The following ERC2 variants were observed in gnomAD, a reference collection of about 807,000 sequenced individuals.
ERC2 encodes ELKS/RAB6-interacting/CAST family member 2.
ERC2 carries 42 observed loss-of-function variants against 114.8 expected under a neutral mutation model. That is an observed-to-expected ratio of 0.37 (90% CI 0.29 to 0.47). ERC2 has a LOEUF of 0.47. ERC2 is among the 20% of genes least tolerant of loss of function. The pLI is 0.99. For missense variants in ERC2, 939 were observed against 1,150.7 expected, an observed-to-expected ratio of 0.82 and a Z score of 2.66; for synonymous variants, 454 against 425.5, an observed-to-expected ratio of 1.07 and a Z score of -0.82.
At chr3:56,087,741 A>C (rs1279265101) in intron 6 of ERC2, among the ~76,000 whole-genome samples, 2 of 152,196 alleles carry the variant, frequency 1.3e-5, no homozygotes, top group Non-Finnish European at 2.9e-5. Flanking sequence ...TGGAACACTC[A>C]CAAAAGCTCC....
At chr3:55,622,002 A>G (rs568403195) in intron 17 of ERC2, among the ~76,000 whole-genome samples, 206 of 152,308 alleles carry the variant, frequency 1.4e-3, no homozygotes, top group Non-Finnish European at 2.5e-3. Flanking sequence ...GAGGCCTGGT[A>G]TAATGGTGCT....
chr3:55,901,438 A>T (rs780796949), intron 13 of ERC2, among the ~76,000 whole-genome samples: 9 of 152,138 alleles, frequency 5.9e-5, no homozygotes, highest in Non-Finnish European at 1.2e-4. Context: ...TTGAAAGATT[A>T]TTCAATTCCT....
chr3:56,304,729 A>G (rs879643973), intron 2 of ERC2, among the ~76,000 whole-genome samples: 3 of 152,224 alleles, frequency 2.0e-5, no homozygotes, highest in Non-Finnish European at 2.9e-5. Flanking sequence ...GTATTCTATA[A>G]ATAATGTTAA....
intron 2 of ERC2, among the ~76,000 whole-genome samples, chr3:56,432,966 G>T (rs1266883655): frequency 1.3e-5 from 2 of 152,056 alleles, no homozygotes; most frequent in Non-Finnish European, 2.9e-5. Context: ...TTGAAGCCAG[G>T]AGTTCAAGAC....
chr3:56,384,873 G>T (rs1266553988), intron 2 of ERC2, among the ~76,000 whole-genome samples: 1 of 152,050 alleles, frequency 6.6e-6, no homozygotes, highest in African/African-American at 2.4e-5. Context: ...ATAAGGTAAG[G>T]GTCCAACCTC....
chr3:55,919,472 A>G (rs987653908), intron 13 of ERC2, among the ~76,000 whole-genome samples: 4 of 152,222 alleles, frequency 2.6e-5, no homozygotes, highest in Non-Finnish European at 4.4e-5. Flanking sequence ...TAAACTTCAA[A>G]AACATACTAT....
At chr3:55,687,733 T>C (rs2062408969) in intron 16 of ERC2, among the ~76,000 whole-genome samples, 1 of 152,230 alleles carries the variant, frequency 6.6e-6, no homozygotes, top group Non-Finnish European at 1.5e-5. Context: ...TTGCAACGTT[T>C]GGCTGCACAA....
At chr3:55,714,269 C>G (rs1003472799) in intron 15 of ERC2, among the ~76,000 whole-genome samples, 3 of 152,050 alleles carry the variant, frequency 2.0e-5, no homozygotes, top group Non-Finnish European at 4.4e-5. Context: ...CAATTTGGCA[C>G]TAGGTATCAA....
At chr3:56,156,482 G>A (rs2081728553) in intron 4 of ERC2, among the ~76,000 whole-genome samples, 1 of 152,110 alleles carries the variant, frequency 6.6e-6, no homozygotes, top group South Asian at 2.1e-4. Flanking sequence ...ACCAGGTCTG[G>A]GAAGTCACTG....
Position 56,312,301 on chromosome 3 carries a change from C to T in ERC2, c.658-15866G>A, listed in dbSNP as rs868854709. ...AGAAGACCTTTAAAAATTATCCGATCGATGCCAGAAGCTAGGAAGGGTGTG... is the reference window on the plus strand; with the variant it reads ...AGAAGACCTTTAAAAATTATCCGATTGATGCCAGAAGCTAGGAAGGGTGTG... On this transcript the variant is annotated intron_variant, in intron 2 of 17. Transcript: ENST00000288221. Among the ~76,000 whole-genome samples the T allele has an allele frequency of 2.1e-4, 32 of 152,154 alleles. No individual in the cohort carries two copies. In the Middle Eastern group the frequency reaches 0.014, roughly 65 times the overall value.
intron 2 of ERC2, among the ~76,000 whole-genome samples, chr3:56,379,596 G>C (rs1262201977): frequency 6.6e-6 from 1 of 152,264 alleles, no homozygotes; most frequent in South Asian, 2.1e-4. Context: ...AACTCGAGCA[G>C]TCTGACTCTA....
At chr3:56,285,022 C>CACACAT (rs2054592668) in intron 3 of ERC2, among the ~76,000 whole-genome samples, 1 of 130,998 alleles carries the variant, frequency 7.6e-6, no homozygotes. Flanking sequence ...CACACACACA[C>CACACAT]ACACACACAT....
intron 7 of ERC2, among the ~76,000 whole-genome samples, chr3:56,028,008 C>T (rs1474699426): frequency 6.6e-6 from 1 of 152,022 alleles, no homozygotes; most frequent in Non-Finnish European, 1.5e-5. Flanking sequence ...ATTGTGTTGC[C>T]TGTAGATATC....
chr3:56,211,743 T>C (rs1232714959), intron 3 of ERC2, among the ~76,000 whole-genome samples: 1 of 152,100 alleles, frequency 6.6e-6, no homozygotes, highest in East Asian at 1.9e-4. Flanking sequence ...AATACTGGTA[T>C]AAAAACAGGC....
rs2067296335 is a variant in ERC2 at position 55,948,807 on chromosome 3, A to T, written c.2403+1618T>A. Among the ~76,000 whole-genome samples, 3 of 152,234 alleles carry T rather than the reference A, an allele frequency of 2.0e-5. No individual in the cohort carries two copies. In the South Asian group the frequency reaches 6.2e-4, roughly 31 times the overall value. On this transcript the variant is annotated intron_variant, in intron 13 of 17. Transcript: ENST00000288221. ...ACAAAAACTTTGATGCTCATTGTAT[A>T]TCAGATTAGAACTGTAGAAATACCT...
chr3:56,080,220 C>T (rs1005848373), intron 7 of ERC2, among the ~76,000 whole-genome samples: 7 of 152,096 alleles, frequency 4.6e-5, no homozygotes, highest in African/African-American at 1.4e-4. Context: ...ATCGGGAATG[C>T]TATCACAAAA....
Position 55,700,242 on chromosome 3 carries a change from G to A in ERC2, c.2713-730C>T, listed in dbSNP as rs556251664. ...TGCTTTATTATGCAGGGCAAGAAAT[G>A]GACCAGTGATGAGTTGGCCTGACAG... On this transcript the variant is annotated intron_variant, in intron 15 of 17. Transcript: ENST00000288221. Among the ~76,000 whole-genome samples, 19 of 152,304 alleles carry A rather than the reference G, an allele frequency of 1.2e-4. No individual in the cohort carries two copies. The South Asian group carries it at 3.9e-3, about 32-fold the overall frequency.
chr3:56,225,536 C>T (rs2050194978), intron 3 of ERC2, among the ~76,000 whole-genome samples: 1 of 152,194 alleles, frequency 6.6e-6, no homozygotes, highest in African/African-American at 2.4e-5. Context: ...TCATAGATAA[C>T]ATTTATTGAG....
chr3:55,832,561 G>T (rs899703103), intron 14 of ERC2, among the ~76,000 whole-genome samples: 76 of 152,254 alleles, frequency 5.0e-4, no homozygotes, highest in Non-Finnish European at 2.2e-4. Context: ...TGTGTTAGAA[G>T]GAAAACTAAC....
Sources: gnomAD v4.1 joint callset for allele counts (sites outside exome capture counted in the v4.1 genomes callset) on GRCh38, gnomAD v4.1.1 for gene constraint, MANE v1.5 for transcripts, NCBI Gene and HGNC (gene_info 2026-07-23, HGNC 2026-07-21) for gene names.